Variants in AGMO observed in about 807,000 individuals in gnomAD.
The protein encoded by AGMO is alkylglycerol monooxygenase.
In AGMO, 75 loss-of-function variants were observed where a neutral mutation model predicts 60.2. The observed-to-expected ratio is 1.25, with a 90% CI of 1.03 to 1.51. AGMO has a LOEUF of 1.51. Ranked by LOEUF, AGMO falls within the 40% of genes most tolerant of loss-of-function variation. AGMO has a pLI of 0.00. For synonymous variants in AGMO, 261 were observed against 177.1 expected (o/e 1.47, Z -3.76); for missense variants, 763 against 525.5 (o/e 1.45, Z -4.42).
At chr7:15,354,339 T>TGTATAC (rs1782379579) in intron 12 of AGMO, among the ~76,000 whole-genome samples, 1 of 70,726 alleles carries the variant, frequency 1.4e-5, no homozygotes. Flanking sequence ...CGCGTGTATA[T>TGTATAC]ACACGCGTGT....
Position 15,200,988 on chromosome 7 carries a change from T to G in AGMO, c.*297A>C. 4.3e-6 allele frequency: 1 copy of G among 230,764 alleles called. No individual in the cohort carries two copies. The highest frequency in any genetic ancestry group is 8.3e-6 in the Non-Finnish European group (1 of 120,890). The allele number at this position is 230,764 out of a possible 1,614,324, so 14.3% of individuals were successfully genotyped here. A position where few individuals can be genotyped will look rare whatever the true frequency, so the allele number is the denominator to read the frequency against. ...CAATATTCCTTCTTGTTTTTACTGT[T>G]TTTAAGTTTCATCCCTTCTTTTTAT... is the stretch of plus-strand genomic sequence containing the variant. On this transcript the variant is annotated 3_prime_UTR_variant, in exon 13 of 13. Coordinates refer to ENST00000342526, the MANE Select transcript of AGMO (RefSeq NM_001004320.2).
intron 3 of AGMO, among the ~76,000 whole-genome samples, chr7:15,476,717 T>C (rs1319748925): frequency 1.3e-5 from 2 of 152,124 alleles, no homozygotes; most frequent in African/African-American, 4.8e-5. Flanking sequence ...TTATGTCGGC[T>C]GGACTTTAAA....
Position 15,260,804 on chromosome 7 carries a change from A to G in AGMO, c.1264-59445T>C, listed in dbSNP as rs117566310. Among the ~76,000 whole-genome samples the G allele has an allele frequency of 5.3e-3, 809 of 152,246 alleles. 26 individuals carry two copies. The East Asian group carries it at 0.067, about 13-fold the overall frequency. ...CAGTAAATTTAAGAAAATGAAAATT[A>G]TATCAAGTACTCTCTCTGACCACAG... is the stretch of plus-strand genomic sequence containing the variant. On this transcript the variant is annotated intron_variant, in intron 12 of 12. Transcript: ENST00000342526.
chr7:15,133,629 T>C, the AGMO span, among the ~76,000 whole-genome samples: 43 of 152,230 alleles, frequency 2.8e-4, no homozygotes, highest in African/African-American at 9.6e-4. Flanking sequence ...TTTTGAAGTA[T>C]AAAAGTGGAC....
chr7:15,394,164 C>A lies in AGMO; in HGVS notation c.625G>T (p.Gly209Cys). 1 of 1,610,200 alleles carries A rather than the reference C, an allele frequency of 6.2e-7. No individual in the cohort carries two copies. Among genetic ancestry groups the A allele is most frequent in the Non-Finnish European group, 8.5e-7 (1 of 1,176,776 alleles). ...GTATTAAGAATCAGTTCCAAAGGAC[C>A]AAGGTTATTGATGACCTGTTTAAAA... is the stretch of plus-strand genomic sequence containing the variant. ...WIHTEVINNL[G>C]PLELILNTPS... Residue 209 changes from glycine (G) to cysteine (C), a missense_variant, in exon 6 of 13, where the codon GGT (glycine) becomes TGT (cysteine). Gly to Cys is a radical substitution (Grantham distance 159). Transcript: ENST00000342526.
At chr7:15,524,458 T>TA (rs748153781) in intron 3 of AGMO, among the ~76,000 whole-genome samples, 1 of 152,172 alleles carries the variant, frequency 6.6e-6, no homozygotes, top group African/African-American at 2.4e-5. Flanking sequence ...TAATTATTTA[T>TA]AAAAAATGCT....
At chr7:15,359,466 G>T (rs569814934) in intron 12 of AGMO, among the ~76,000 whole-genome samples, 1 of 152,078 alleles carries the variant, frequency 6.6e-6, no homozygotes, top group South Asian at 2.1e-4. Flanking sequence ...TTTTTAAAAT[G>T]AAATACCTTA....
chr7:15,376,872 A>G (rs562128273), intron 10 of AGMO, among the ~76,000 whole-genome samples: 1 of 152,246 alleles, frequency 6.6e-6, no homozygotes, highest in African/African-American at 2.4e-5. Flanking sequence ...ATTTAAATAT[A>G]TGCTTTGCAA....
chr7:15,450,095 TGTAATTGATTGCATCAACTAAAC>T (rs1259589528), intron 3 of AGMO, among the ~76,000 whole-genome samples: 2 of 152,324 alleles, frequency 1.3e-5, no homozygotes, highest in South Asian at 4.1e-4. Context: ...GTATTACAAA[TGTAATTGATTGCATCAACTAAAC>T]ATTTTAAATT....
intron 5 of AGMO, 90 bp from the exon 6 acceptor site, chr7:15,394,269 TAA>T (rs932286044): frequency 3.0e-6 from 3 of 1,004,304 alleles, no homozygotes; most frequent in African/African-American, 1.6e-5. Context: ...TCACATAAAT[TAA>T]GAGATATTGC....
intron 3 of AGMO, among the ~76,000 whole-genome samples, chr7:15,475,865 T>C (rs1782582235): frequency 6.6e-6 from 1 of 152,088 alleles, no homozygotes; most frequent in Non-Finnish European, 1.5e-5. Context: ...GAGCTATAAG[T>C]ATAAGCAGTT....
the AGMO span, among the ~76,000 whole-genome samples, chr7:15,130,310 T>C: frequency 6.6e-6 from 1 of 152,072 alleles, no homozygotes; most frequent in Non-Finnish European, 1.5e-5. Flanking sequence ...CCACCTTTTT[T>C]TTTCTGACAA....
chr7:15,362,766 C>A (rs1401656784), intron 12 of AGMO, among the ~76,000 whole-genome samples: 2 of 152,178 alleles, frequency 1.3e-5, no homozygotes, highest in African/African-American at 4.8e-5. Flanking sequence ...AACCACGTGT[C>A]TTTTCAAAAT....
chr7:15,344,574 T>C (rs1781967918), intron 12 of AGMO, among the ~76,000 whole-genome samples: 1 of 151,698 alleles, frequency 6.6e-6, no homozygotes, highest in Admixed American at 6.6e-5. Flanking sequence ...GGTGCACGCC[T>C]GTGGTCCCAG....
rs1554283126 is a variant in AGMO at position 15,529,667 on chromosome 7, C to CTGTATACAGAATATATATACTA, written c.409+15104_409+15105insTAGTATATATATTCTGTATACA. Among the ~76,000 whole-genome samples, 5 of 15,036 alleles carry CTGTATACAGAATATATATACTA rather than the reference C, an allele frequency of 3.3e-4. 1 individual carries two copies. The highest frequency in any genetic ancestry group is 1.2e-3 in the African/African-American group (5 of 4,302). The allele number at this position is 15,036 out of a possible 152,430, so 9.9% of individuals were successfully genotyped here. A position where few individuals can be genotyped will look rare whatever the true frequency, so the allele number is the denominator to read the frequency against. Reference sequence around the variant, plus strand: ...ATATACTATATATTCTATATATATTCTATATATATTCTATATATAGAATAT... The same window carrying CTGTATACAGAATATATATACTA: ...ATATACTATATATTCTATATATATTCTGTATACAGAATATATATACTATATATATATTCTATATATAGAATAT... On this transcript the variant is annotated intron_variant, in intron 3 of 12. Transcript: ENST00000342526.
the AGMO span, among the ~76,000 whole-genome samples, chr7:15,159,416 GTTC>G: frequency 6.6e-6 from 1 of 152,136 alleles, no homozygotes; most frequent in Non-Finnish European, 1.5e-5. Flanking sequence ...TGAGATTTCA[GTTC>G]TTCTGTTTCT....
chr7:15,261,641 A>C (rs1230731068), intron 12 of AGMO, among the ~76,000 whole-genome samples: 1 of 152,050 alleles, frequency 6.6e-6, no homozygotes, highest in Non-Finnish European at 1.5e-5. Context: ...ATCCTCCTTA[A>C]ATCATTCCAT....
In AGMO at chr7:15,560,112, T is replaced by C. The variant is rs201096592; in HGVS notation, c.257+29A>G. 2.4e-4 allele frequency: 369 copies of C among 1,545,598 alleles called. 1 individual carries two copies. Among genetic ancestry groups the C allele is most frequent in the Admixed American group, 3.7e-4 (20 of 54,616 alleles). ...CATACTTAGGCAATTTCAGTTTTTA[T>C]GCTCAGCGTTGTTGACCATCTAACT... On this transcript the variant is annotated intron_variant, in intron 2 of 12. Transcript: ENST00000342526.
intron 12 of AGMO, among the ~76,000 whole-genome samples, chr7:15,284,398 G>C (rs1343294257): frequency 1.3e-5 from 2 of 151,966 alleles, no homozygotes; most frequent in Non-Finnish European, 2.9e-5. Context: ...CATTACAACT[G>C]ACACTACAAA....
Sources: gnomAD v4.1 joint callset for allele counts (sites outside exome capture counted in the v4.1 genomes callset) on GRCh38, gnomAD v4.1.1 for gene constraint, MANE v1.5 for transcripts, NCBI Gene and HGNC (gene_info 2026-07-23, HGNC 2026-07-21) for gene names.